The following NGEF variants were observed in gnomAD, a reference collection of about 807,000 sequenced individuals.
NGEF encodes the protein neuronal guanine nucleotide exchange factor.
NGEF carries 31 observed loss-of-function variants against 80.9 expected under a neutral mutation model. That is an observed-to-expected ratio of 0.38 (90% confidence interval 0.29 to 0.52). The LOEUF is 0.52. Among genes scored for constraint, NGEF ranks in the 20% least tolerant of loss-of-function variants. The probability of loss-of-function intolerance (pLI) is 0.84; values close to 1 mark genes in which losing one functional copy is unlikely to be tolerated. For synonymous variants in NGEF, 371 were observed against 370.2 expected (o/e 1.00, Z -0.03); for missense variants, 709 against 926.2 (o/e 0.77, Z 3.04).
intron 3 of NGEF, among the ~76,000 whole-genome samples, chr2:232,947,217 A>G (rs1055376149): frequency 1.3e-5 from 2 of 152,216 alleles, no homozygotes; most frequent in Non-Finnish European, 2.9e-5. Flanking sequence ...ATCAAAAATA[A>G]TGGGCCAAGC....
chr2:232,957,239 G>A (rs984225558), intron 3 of NGEF, among the ~76,000 whole-genome samples: 46 of 152,120 alleles, frequency 3.0e-4, no homozygotes, highest in African/African-American at 1.1e-3. Context: ...AACTAAAGAT[G>A]TAATTACAGG....
Position 232,879,331 on chromosome 2 carries a change from T to C in NGEF, c.*158A>G. ...TTTGCGAGCAAGGGGCCAAGACACA[T>C]GAGCACTCACTGCGTGGGCAGGGAT... On this transcript the variant is annotated 3_prime_UTR_variant, in exon 15 of 15. Coordinates refer to ENST00000264051, the MANE Select transcript of NGEF (RefSeq NM_019850.3). The C allele has an allele frequency of 1.5e-6, 1 of 679,364 alleles. No homozygotes were observed. The highest frequency in any genetic ancestry group is 2.5e-6 in the Non-Finnish European group (1 of 405,258). 42.1% of individuals were successfully genotyped at this position (679,364 alleles called of 1,614,324 possible).
At position 232,883,992 on chromosome 2, in the gene NGEF, C is replaced by A; in HGVS notation, c.1590G>T (p.Arg530=). ...FLFNDLLVIC[R]QIPGDKYQVF... is the part of the protein sequence containing the mutation. ...GGGCCCCGACTCACCCTGGAATCTG[C>A]CGGCAGATCACCAGCAGGTCGTTGA... Residue 530 remains arginine, a synonymous_variant, in exon 11 of 15, where the codon CGG becomes CGT. Coordinates refer to ENST00000264051, the MANE Select transcript of NGEF (RefSeq NM_019850.3). 1 of 1,609,856 alleles carries A rather than the reference C, an allele frequency of 6.2e-7. No homozygotes were observed. The highest frequency in any genetic ancestry group is 8.5e-7 in the Non-Finnish European group (1 of 1,178,160).
chr2:232,883,075 A>G (rs10167860), intron 12 of NGEF, among the ~76,000 whole-genome samples: 17,290 of 139,184 alleles, frequency 0.12, 1,547 homozygotes, highest in African/African-American at 0.27. Flanking sequence ...ACACACACAC[A>G]CACACACGCA....
intron 1 of NGEF, among the ~76,000 whole-genome samples, chr2:232,994,561 C>T (rs1694739939): frequency 6.6e-6 from 1 of 152,078 alleles, no homozygotes; most frequent in African/African-American, 2.4e-5. Flanking sequence ...TTTGGTGGTT[C>T]CCACAGCTTG....
At chr2:232,918,658 G>A (rs569843867) in intron 5 of NGEF, among the ~76,000 whole-genome samples, 9 of 136,190 alleles carry the variant, frequency 6.6e-5, no homozygotes, top group Non-Finnish European at 1.3e-4. Flanking sequence ...TTTTTTAGAC[G>A]GAGTCTTGAT....
At chr2:232,882,452 G>A (rs1276864559) in intron 12 of NGEF, among the ~76,000 whole-genome samples, 187 bp from the exon 13 acceptor site, 1 of 152,242 alleles carries the variant, frequency 6.6e-6, no homozygotes. Context: ...GACACATACA[G>A]GAACCCACGG....
At chr2:233,010,303 A>T (rs1019967208) in intron 1 of NGEF, among the ~76,000 whole-genome samples, 14 of 152,274 alleles carry the variant, frequency 9.2e-5, no homozygotes, top group African/African-American at 3.4e-4. Flanking sequence ...TTCACCTGGA[A>T]TGTGCTATCT....
intron 1 of NGEF, among the ~76,000 whole-genome samples, chr2:233,009,664 A>T (rs1335244763): frequency 6.6e-6 from 1 of 151,038 alleles, no homozygotes; most frequent in Non-Finnish European, 1.5e-5. Flanking sequence ...AAACTCCTGG[A>T]TGATTGGAGG....
At chr2:232,927,293 T>A in intron 3 of NGEF, 107 bp from the exon 4 acceptor site, 1 of 1,241,230 alleles carries the variant, frequency 8.1e-7, no homozygotes, top group South Asian at 1.6e-5. Flanking sequence ...AGCCGGACCT[T>A]ACCCGGGACC....
intron 1 of NGEF, among the ~76,000 whole-genome samples, chr2:233,011,962 T>C (rs534283611): frequency 1.3e-5 from 2 of 152,218 alleles, no homozygotes; most frequent in African/African-American, 2.4e-5. Context: ...GTGGTCTCCC[T>C]TCATGGACCA....
rs1332464479 is a variant in NGEF, at chr2:232,892,885, C to T, written c.1142+13G>A. On this transcript the variant is annotated intron_variant, in intron 7 of 14. Coordinates refer to ENST00000264051, the MANE Select transcript of NGEF (RefSeq NM_019850.3). The surrounding 1 kb of genome is among the most constrained non-coding windows in gnomAD (Gnocchi z 4.0). ...CTCCCCCTGCCCCTGAGCCCCTTGC[C>T]GGATACACTCACAGCAGCTGCTTAT... The T allele has an allele frequency of 1.7e-5, 27 of 1,610,870 alleles. No homozygotes were observed. Among genetic ancestry groups the T allele is most frequent in the East Asian group, 6.7e-5 (3 of 44,844 alleles).
At chr2:233,005,483 A>G (rs965929649) in intron 1 of NGEF, among the ~76,000 whole-genome samples, 1 of 152,236 alleles carries the variant, frequency 6.6e-6, no homozygotes, top group African/African-American at 2.4e-5. Flanking sequence ...TTACAAGGCC[A>G]CCTTCTGTGG....
At chr2:232,934,201 C>T (rs1450576998) in intron 3 of NGEF, among the ~76,000 whole-genome samples, 3 of 147,932 alleles carry the variant, frequency 2.0e-5, no homozygotes, top group Non-Finnish European at 4.4e-5. Context: ...GAGATTGCGC[C>T]ACTGTACTCC....
intron 8 of NGEF, 88 bp from the exon 9 acceptor site, chr2:232,888,195 C>T (rs915452141): frequency 2.5e-5 from 23 of 922,080 alleles, no homozygotes; most frequent in Non-Finnish European, 3.7e-5. Context: ...CTCCCTACTG[C>T]ACCAGTCCAG....
chr2:232,918,914 A>G (rs1489893338), intron 5 of NGEF, among the ~76,000 whole-genome samples: 1 of 152,228 alleles, frequency 6.6e-6, no homozygotes, highest in African/African-American at 2.4e-5. Flanking sequence ...GGCGTGAGCC[A>G]CCGCACCCAG....
rs57143286 is a variant in NGEF at position 232,988,036 on chromosome 2, C to CGTGTGTGT, written c.-74-13080_-74-13073dup. 1.1e-3 allele frequency among the ~76,000 whole-genome samples: 156 copies of CGTGTGTGT among 140,334 alleles called. 1 individual carries two copies. Among genetic ancestry groups the CGTGTGTGT allele is most frequent in the African/African-American group, 1.7e-3 (66 of 38,342 alleles). 92.1% of individuals were successfully genotyped at this position (140,334 alleles called of 152,430 possible). On this transcript the variant is annotated intron_variant, in intron 1 of 14. Coordinates refer to ENST00000264051, the MANE Select transcript of NGEF (RefSeq NM_019850.3). The stretch of plus-strand genomic sequence containing the variant: ...GTCACCCTTCTGGAAGGGATGGTCT[C>CGTGTGTGT]GTGTGTGTGTGTGTGTGTGTGTGTG...
At chr2:232,948,147 ATGTGTGTGTGTGTGTGTG>A in intron 3 of NGEF, among the ~76,000 whole-genome samples, 1 of 141,654 alleles carries the variant, frequency 7.1e-6, no homozygotes, top group South Asian at 2.4e-4. Context: ...TAGCCTGGAG[ATGTGTGTGTGTGTGTGTG>A]TGTGTGTGTG....
chr2:232,921,351 G>A (rs1162710663), intron 4 of NGEF, among the ~76,000 whole-genome samples: 1 of 152,202 alleles, frequency 6.6e-6, no homozygotes, highest in Non-Finnish European at 1.5e-5. Flanking sequence ...TGGGAGGAAA[G>A]GGGTCAGACC....
Sources: allele counts gnomAD v4.1 joint callset (sites outside exome capture counted in the v4.1 genomes callset), GRCh38; gene constraint gnomAD v4.1.1; non-coding constraint Gnocchi (gnomAD v3.1); transcripts MANE v1.5; gene names NCBI Gene and HGNC (gene_info 2026-07-23, HGNC 2026-07-21).